Variants in TCF12 observed in about 807,000 individuals in gnomAD.
TCF12 encodes the protein DNA-binding protein HTF4.
A neutral mutation model predicts 86.0 loss-of-function variants in TCF12; 45 were observed. The observed-to-expected ratio is 0.52, with a 90% confidence interval of 0.41 to 0.67. The LOEUF (loss-of-function observed/expected upper bound fraction) is 0.67, where lower values mean the gene tolerates loss of function less well. Ranked by LOEUF, TCF12 falls within the 30% of genes least tolerant of loss-of-function variation. TCF12 has a pLI of 0.00. For missense variants in TCF12, 881 were observed against 859.9 expected (o/e 1.02, Z -0.31); for synonymous variants, 330 against 299.6 (o/e 1.10, Z -1.05).
intron 3 of TCF12, among the ~76,000 whole-genome samples, chr15:56,961,004 G>T (rs1473059228): frequency 7.3e-5 from 11 of 151,708 alleles, no homozygotes; most frequent in Admixed American, 7.2e-4. Context: ...GCTGGGTGTG[G>T]TGGCGGGCAC....
intron 3 of TCF12, among the ~76,000 whole-genome samples, chr15:57,060,804 G>A (rs926582552): frequency 2.0e-5 from 3 of 152,266 alleles, no homozygotes; most frequent in Non-Finnish European, 1.5e-5. Flanking sequence ...TCTTCTGTGT[G>A]TAATTTCCTT....
chr15:57,042,845 T>C (rs1308714720), intron 3 of TCF12, among the ~76,000 whole-genome samples: 1 of 152,236 alleles, frequency 6.6e-6, no homozygotes, highest in Non-Finnish European at 1.5e-5. Flanking sequence ...TATGTGCACA[T>C]TGTTTTACAG....
intron 3 of TCF12, among the ~76,000 whole-genome samples, chr15:56,997,013 ACTAT>A (rs1204748085): frequency 6.6e-6 from 1 of 152,156 alleles, no homozygotes; most frequent in Non-Finnish European, 1.5e-5. Flanking sequence ...AACACATAAC[ACTAT>A]TGGTGGGAGT....
chr15:56,951,463 T>A (rs180720222), intron 3 of TCF12, among the ~76,000 whole-genome samples: 1 of 152,230 alleles, frequency 6.6e-6, no homozygotes, highest in South Asian at 2.1e-4. Flanking sequence ...ACGAGATACA[T>A]GGTTTACAGA....
intron 8 of TCF12, among the ~76,000 whole-genome samples, chr15:57,205,762 T>C (rs529761459): frequency 3.9e-5 from 6 of 152,344 alleles, no homozygotes; most frequent in African/African-American, 1.4e-4. Flanking sequence ...GTAACCACTG[T>C]TCAGAACAGT....
At chr15:57,064,813 A>AAG (rs140789513) in intron 4 of TCF12, among the ~76,000 whole-genome samples, 1 of 54,174 alleles carries the variant, frequency 1.8e-5, no homozygotes, top group Non-Finnish European at 6.8e-5. Flanking sequence ...AAAAAAAAAA[A>AAG]GAGAGAGAGA....
intron 3 of TCF12, among the ~76,000 whole-genome samples, chr15:56,968,356 CTTTTTTTGTTTT>C (rs1567180155): frequency 7.6e-6 from 1 of 131,030 alleles, no homozygotes; most frequent in Non-Finnish European, 1.6e-5. Context: ...TTCATATTAC[CTTTTTTTGTTTT>C]TTTTTTTTTT....
intron 3 of TCF12, among the ~76,000 whole-genome samples, chr15:56,991,537 GT>G (rs1205679287): frequency 3.3e-5 from 5 of 152,290 alleles, no homozygotes; most frequent in Admixed American, 2.0e-4. Context: ...TTTATATAAA[GT>G]TTGGAGGAAA....
chr15:57,079,867 T>G lies in TCF12; in HGVS notation c.223-11922T>G, dbSNP rs558447571. Among the ~76,000 whole-genome samples the G allele has an allele frequency of 5.3e-5, 8 of 152,300 alleles. No homozygotes were observed. The South Asian group carries it at 1.0e-3, about 20-fold the overall frequency. The stretch of plus-strand genomic sequence containing the variant: ...AGCAATAAGGACTAACCTGAAGAGA[T>G]ATTTTCTTTAAATAAATCTATAAAG... On this transcript the variant is annotated intron_variant, in intron 4 of 20. Coordinates refer to ENST00000333725, the MANE Select transcript of TCF12 (RefSeq NM_207037.2).
chr15:57,290,885 TC>T (rs758931516), downstream of TCF12: 14 of 152,182 alleles, frequency 9.2e-5, no homozygotes, highest in East Asian at 1.2e-3. Flanking sequence ...CACCTCATCT[TC>T]CTACAAAAGA....
rs1380675869 is a variant in TCF12 at position 57,219,092 on chromosome 15, G to A, written c.580-12060G>A. On this transcript the variant is annotated intron_variant, in intron 8 of 20. Transcript: ENST00000333725. ...GAGGTGTAGCAAGCTAGGTTTCTCT[G>A]CCACAAGTGCTCTAATTTAATTAAA... The A allele has an allele frequency of 4.7e-6, 5 of 1,057,050 alleles. No homozygotes were observed. In the African/African-American group the frequency reaches 8.2e-5, roughly 17 times the overall value. The allele number at this position is 1,057,050 out of a possible 1,614,324, so 65.5% of individuals were successfully genotyped here.
chr15:57,178,185 G>A (rs548219244), intron 6 of TCF12, among the ~76,000 whole-genome samples: 3 of 152,274 alleles, frequency 2.0e-5, no homozygotes, highest in African/African-American at 7.2e-5. Flanking sequence ...GTAGGAGATG[G>A]CAGAACAAAT....
intron 3 of TCF12, among the ~76,000 whole-genome samples, chr15:57,060,030 A>G (rs1474671661): frequency 6.6e-6 from 1 of 152,184 alleles, no homozygotes; most frequent in Admixed American, 6.5e-5. Flanking sequence ...AAAGGGAGTA[A>G]TGGCAGATGT....
chr15:57,072,730 A>G (rs2069511053), intron 4 of TCF12: 2 of 1,293,832 alleles, frequency 1.5e-6, no homozygotes, highest in Non-Finnish European at 2.0e-6. Context: ...TGTTTTCTAT[A>G]TATTGCATCT....
At chr15:57,189,018 G>A (rs1454117260) in intron 6 of TCF12, among the ~76,000 whole-genome samples, 1 of 152,108 alleles carries the variant, frequency 6.6e-6, no homozygotes, top group Non-Finnish European at 1.5e-5. Flanking sequence ...TGAACTCCTG[G>A]GTTCAAGAGA....
intron 16 of TCF12, among the ~76,000 whole-genome samples, chr15:57,255,618 G>A (rs865930704): frequency 1.4e-4 from 22 of 152,052 alleles, no homozygotes; most frequent in Middle Eastern, 6.8e-3. Context: ...CGAATAGCTG[G>A]GATTATAGGC....
intron 3 of TCF12, among the ~76,000 whole-genome samples, chr15:56,991,214 T>G (rs1349674628): frequency 6.6e-6 from 1 of 152,220 alleles, no homozygotes; most frequent in Admixed American, 6.5e-5. Context: ...CATATTCAGT[T>G]GATTTTCACT....
At chr15:57,162,029 C>T (rs546404868) in intron 5 of TCF12, among the ~76,000 whole-genome samples, 10 of 152,064 alleles carry the variant, frequency 6.6e-5, no homozygotes, top group East Asian at 1.9e-4. Flanking sequence ...GTGCACACAC[C>T]GATACCTATA....
intron 19 of TCF12, among the ~76,000 whole-genome samples, chr15:57,279,537 A>C (rs1229842843): frequency 6.6e-6 from 1 of 152,062 alleles, no homozygotes; most frequent in Non-Finnish European, 1.5e-5. Flanking sequence ...GTCTTTTTTG[A>C]ATCAAAGTTG....
Sources: gnomAD v4.1 joint callset for allele counts (sites outside exome capture counted in the v4.1 genomes callset) on GRCh38, gnomAD v4.1.1 for gene constraint, MANE v1.5 for transcripts, NCBI Gene and HGNC (gene_info 2026-07-23, HGNC 2026-07-21) for gene names.